ATOH8: variants seen among roughly 807,000 people sequenced by gnomAD.
ATOH8 encodes transcription factor ATOH8.
In ATOH8, 9 loss-of-function variants were observed where a neutral mutation model predicts 21.2. The observed-to-expected ratio is 0.42, with a 90% CI of 0.26 to 0.74. The LOEUF (loss-of-function observed/expected upper bound fraction) is 0.74. Ranked by LOEUF, ATOH8 falls within the 30% of genes least tolerant of loss-of-function variation. The pLI, the probability that ATOH8 is intolerant of heterozygous loss-of-function variation, is 0.24. For missense variants in ATOH8, 524 were observed against 470.9 expected (o/e 1.11, Z -1.04); for synonymous variants, 253 against 224.0 (o/e 1.13, Z -1.16).
Position 85,754,860 on chromosome 2 carries a change from T to A in ATOH8, c.671T>A (p.Ile224Asn). 1 of 1,611,932 alleles carries A rather than the reference T, an allele frequency of 6.2e-7. No individual in the cohort carries two copies. Among genetic ancestry groups the A allele is most frequent in the Non-Finnish European group, 8.5e-7 (1 of 1,179,776 alleles). The change falls in exon 1 of 3, where the codon ATC becomes AAC. Residue 224 changes from isoleucine to asparagine, a missense_variant. Ile to Asn is a moderately radical substitution (Grantham distance 149). Transcript: ENST00000306279. ...GAAGCGACTGCCGCCTCCTCCGAGA[T>A]CAAAGCCCTGCAGCAGACCCGGAGG... ...PGEATAASSEIKALQQTRRLL... is the reference protein window; with the variant it reads ...PGEATAASSENKALQQTRRLL...
chr2:85,785,570 AG>A lies in ATOH8; in HGVS notation c.961-1312del, dbSNP rs1222926107. On this transcript the variant is annotated intron_variant, in intron 2 of 2. Transcript: ENST00000306279. The surrounding 1 kb of genome is among the most constrained non-coding windows in gnomAD (Gnocchi z 4.1). ...GCTGCCCCGGCCCACGGGGCTCACC[AG>A]GGCCTGTGGTTAGCAGGCCCTCCAC... 6.6e-6 allele frequency among the ~76,000 whole-genome samples: 1 copy of A among 152,166 alleles called. No individual in the cohort carries two copies. The highest frequency in any genetic ancestry group is 2.4e-5 in the African/African-American group (1 of 41,448).
chr2:85,762,227 G>C (rs547792079), intron 1 of ATOH8, among the ~76,000 whole-genome samples: 2 of 152,338 alleles, frequency 1.3e-5, no homozygotes, highest in African/African-American at 4.8e-5. Flanking sequence ...CCGAGGCTCA[G>C]AAAGATTCTG....
At chr2:85,756,673 G>A (rs757537448) in intron 1 of ATOH8, among the ~76,000 whole-genome samples, 2 of 152,132 alleles carry the variant, frequency 1.3e-5, no homozygotes, top group Non-Finnish European at 2.9e-5. Flanking sequence ...TGTCGAAATT[G>A]GATTAACTCA....
chr2:85,763,506 G>A (rs911951828), intron 1 of ATOH8, among the ~76,000 whole-genome samples: 29 of 152,146 alleles, frequency 1.9e-4, no homozygotes, highest in Non-Finnish European at 7.3e-5. Flanking sequence ...CAGAGTCCCA[G>A]GTGTGACATT....
rs1679646042 is a variant in ATOH8 at position 85,755,056 on chromosome 2, A to G, written c.768+99A>G. ...CGGGATAGAGGTGTGTTTAAGGGGC[A>G]AGCTGCCCCGCCCGGTCCGACCCTG... On this transcript the variant is annotated intron_variant, in intron 1 of 2. Coordinates refer to ENST00000306279, the MANE Select transcript of ATOH8 (RefSeq NM_032827.7). The G allele has an allele frequency of 2.8e-6, 4 of 1,426,672 alleles. No individual in the cohort carries two copies. In the Admixed American group the frequency reaches 1.1e-4, roughly 39 times the overall value. The allele number at this position is 1,426,672 out of a possible 1,614,324, so 88.4% of individuals were successfully genotyped here.
chr2:85,777,935 G>C (rs959294313), intron 2 of ATOH8, among the ~76,000 whole-genome samples: 17 of 152,342 alleles, frequency 1.1e-4, no homozygotes, highest in African/African-American at 4.1e-4. Flanking sequence ...GGGAGGCCCT[G>C]GTGATCTGAA....
chr2:85,774,660 C>T (rs1680277180), intron 2 of ATOH8: 1 of 985,468 alleles, frequency 1.0e-6, no homozygotes, highest in Non-Finnish European at 1.2e-6. Flanking sequence ...ACTCCATCCC[C>T]TACTTAGCTC....
chr2:85,757,114 C>T (rs1375951423), intron 1 of ATOH8, among the ~76,000 whole-genome samples: 2 of 152,262 alleles, frequency 1.3e-5, no homozygotes, highest in Non-Finnish European at 2.9e-5. Flanking sequence ...CACAGAAGCA[C>T]CTGTTCCTGT....
chr2:85,754,272 G>A lies in ATOH8; in HGVS notation c.83G>A (p.Arg28Gln), dbSNP rs1357939510. The change falls in exon 1 of 3, where the codon CGG (arginine) becomes CAG (glutamine). Residue 28 changes from arginine to glutamine, a missense_variant. Transcript: ENST00000306279. ...KELNGLKKLKRKGKEPARRAN... is the reference protein window; with the variant it reads ...KELNGLKKLKQKGKEPARRAN... The stretch of plus-strand genomic sequence containing the variant: ...CTGAACGGCCTTAAGAAGCTCAAGC[G>A]GAAAGGCAAGGAGCCGGCGCGGCGC... The A allele has an allele frequency of 6.2e-7, 1 of 1,609,962 alleles. No homozygotes were observed. The highest frequency in any genetic ancestry group is 8.5e-7 in the Non-Finnish European group (1 of 1,178,900).
intron 2 of ATOH8, among the ~76,000 whole-genome samples, chr2:85,777,754 C>T (rs926518595): frequency 3.3e-5 from 5 of 152,196 alleles, no homozygotes; most frequent in South Asian, 2.1e-4. Flanking sequence ...CTGGGCTTCT[C>T]GTCTGTTTTG....
intron 1 of ATOH8, among the ~76,000 whole-genome samples, chr2:85,755,793 A>G (rs974978019): frequency 1.3e-5 from 2 of 151,798 alleles, no homozygotes; most frequent in Non-Finnish European, 2.9e-5. Flanking sequence ...TAGGCTTCTT[A>G]TTTTCTTAGC....
rs934903585 is a variant in ATOH8, at chr2:85,766,101, TACTC to T, written c.960+1925_960+1928del. Among the ~76,000 whole-genome samples, 7 of 152,072 alleles carry T rather than the reference TACTC, an allele frequency of 4.6e-5. No homozygotes were observed. Among genetic ancestry groups the T allele is most frequent in the Non-Finnish European group, 1.0e-4 (7 of 68,012 alleles). On this transcript the variant is annotated intron_variant, in intron 2 of 2. Transcript: ENST00000306279. The surrounding 1 kb of genome is among the most constrained non-coding windows in gnomAD (Gnocchi z 4.0). The stretch of plus-strand genomic sequence containing the variant: ...TGTTGATAAGTGGGGACGGTGGAAA[TACTC>T]ACTCATGGGCCACCGTGAAGATGAA...
At chr2:85,772,186 G>C (rs1558613792) in intron 2 of ATOH8, among the ~76,000 whole-genome samples, 1 of 152,202 alleles carries the variant, frequency 6.6e-6, no homozygotes, top group Non-Finnish European at 1.5e-5. Flanking sequence ...AGCGAGGGGT[G>C]GGTTGGGCAG....
chr2:85,775,080 G>C (rs145671128), intron 2 of ATOH8: 1 of 956,358 alleles, frequency 1.0e-6, no homozygotes, highest in Non-Finnish European at 1.2e-6. Context: ...TGATATATTA[G>C]ATTTCATGTC....
chr2:85,781,906 A>AAC (rs1680507904), intron 2 of ATOH8, among the ~76,000 whole-genome samples: 1 of 151,730 alleles, frequency 6.6e-6, no homozygotes, highest in Admixed American at 6.6e-5. Context: ...TAAAAATAAA[A>AAC]ATAAAAAAGA....
chr2:85,783,281 C>A (rs573954846), intron 2 of ATOH8, among the ~76,000 whole-genome samples: 2 of 152,156 alleles, frequency 1.3e-5, no homozygotes, highest in Non-Finnish European at 2.9e-5. Flanking sequence ...GTTTAAAGGA[C>A]ATCTTCGGAT....
intron 2 of ATOH8, chr2:85,774,184 C>G: frequency 6.1e-6 from 6 of 985,470 alleles, no homozygotes; most frequent in Non-Finnish European, 7.2e-6. Flanking sequence ...AAGGAGGACC[C>G]GAGGAAGGAA....
At position 85,789,951 on chromosome 2, in the gene ATOH8, T is replaced by G. The variant is rs555714023; in HGVS notation, c.*3061T>G. Among the ~76,000 whole-genome samples, 32 of 144,128 alleles carry G rather than the reference T, an allele frequency of 2.2e-4. No homozygotes were observed. The highest frequency in any genetic ancestry group is 3.9e-4 in the Non-Finnish European group (26 of 66,422). The allele number at this position is 144,128 out of a possible 152,430, so 94.6% of individuals were successfully genotyped here. On this transcript the variant is annotated 3_prime_UTR_variant, in exon 3 of 3. Transcript: ENST00000306279. ...TATGCACACACATGCATACTCTCTCTCATGGGCACATGCATACCCACACAC... is the reference window on the plus strand; with the variant it reads ...TATGCACACACATGCATACTCTCTCGCATGGGCACATGCATACCCACACAC...
At position 85,790,033 on chromosome 2, in the gene ATOH8, A is replaced by G. The variant is rs996838890; in HGVS notation, c.*3143A>G. ...ACATTTCAGATAGATTCAGATTCCA[A>G]CGGCAGTCTTCTAAACACTTTTATG... On this transcript the variant is annotated 3_prime_UTR_variant, in exon 3 of 3. Coordinates refer to ENST00000306279, the MANE Select transcript of ATOH8 (RefSeq NM_032827.7). 5.9e-5 allele frequency among the ~76,000 whole-genome samples: 9 copies of G among 152,228 alleles called. No homozygotes were observed. Among genetic ancestry groups the G allele is most frequent in the African/African-American group, 2.2e-4 (9 of 41,458 alleles).
Sources: allele counts gnomAD v4.1 joint callset (sites outside exome capture counted in the v4.1 genomes callset), GRCh38; gene constraint gnomAD v4.1.1; non-coding constraint Gnocchi (gnomAD v3.1); transcripts MANE v1.5; gene names NCBI Gene and HGNC (gene_info 2026-07-23, HGNC 2026-07-21).